JARID2: variants seen among roughly 807,000 people sequenced by gnomAD.
JARID2 encodes the protein jumonji and AT-rich interaction domain containing 2.
In JARID2, 21 loss-of-function variants were observed where a neutral mutation model predicts 125.6. That is an observed-to-expected ratio of 0.17 (90% confidence interval 0.12 to 0.24). The LOEUF (loss-of-function observed/expected upper bound fraction) is 0.24, where lower values mean the gene tolerates loss of function less well. Among genes scored for constraint, JARID2 ranks in the 10% least tolerant of loss-of-function variants. The probability of loss-of-function intolerance (pLI) is 1.00; values close to 1 mark genes in which losing one functional copy is unlikely to be tolerated. For synonymous variants in JARID2, 736 were observed against 661.6 expected, an observed-to-expected ratio of 1.11 and a Z score of -1.73; for missense variants, 1,303 against 1,639.6, an observed-to-expected ratio of 0.79 and a Z score of 3.55.
At chr6:15,445,135 C>A (rs920030434) in intron 3 of JARID2, among the ~76,000 whole-genome samples, 1 of 152,162 alleles carries the variant, frequency 6.6e-6, no homozygotes, top group Non-Finnish European at 1.5e-5. Flanking sequence ...TGTTGATGAC[C>A]CCAGAGGAAA....
intron 1 of JARID2, among the ~76,000 whole-genome samples, chr6:15,342,574 C>T (rs781459521): frequency 6.6e-6 from 1 of 152,138 alleles, no homozygotes; most frequent in Non-Finnish European, 1.5e-5. Context: ...GAGCTTAGTG[C>T]ACCTTCATAA....
chr6:15,517,529 C>G (rs937798834), intron 17 of JARID2, among the ~76,000 whole-genome samples: 2 of 152,240 alleles, frequency 1.3e-5, no homozygotes, highest in Non-Finnish European at 2.9e-5. Flanking sequence ...AGCCGCCCCC[C>G]CGGCTTTCCC....
At position 15,490,274 on chromosome 6, in the gene JARID2, T is replaced by C. The variant is rs1010500733; in HGVS notation, c.906+2732T>C. Among the ~76,000 whole-genome samples the C allele has an allele frequency of 2.0e-5, 3 of 152,072 alleles. No homozygotes were observed. In the East Asian group the frequency reaches 5.8e-4, roughly 29 times the overall value. On this transcript the variant is annotated intron_variant, in intron 6 of 17. Coordinates refer to ENST00000341776, the MANE Select transcript of JARID2 (RefSeq NM_004973.4). ...ATGATATGTGGATTTTTTTTTGTTA[T>C]TGTTCAGCTTAAAAGCATAAATGTG...
At chr6:15,287,866 C>T (rs1358951124) in intron 1 of JARID2, among the ~76,000 whole-genome samples, 1 of 152,216 alleles carries the variant, frequency 6.6e-6, no homozygotes, top group East Asian at 1.9e-4. Context: ...ATAATACCCA[C>T]TTCCCCATTT....
intron 3 of JARID2, among the ~76,000 whole-genome samples, chr6:15,423,786 C>A (rs1332462990): frequency 6.6e-6 from 1 of 152,154 alleles, no homozygotes; most frequent in Non-Finnish European, 1.5e-5. Flanking sequence ...CCTCTGCTTC[C>A]CTTGGGGCCG....
intron 4 of JARID2, among the ~76,000 whole-genome samples, chr6:15,467,663 A>T (rs1768806435): frequency 6.6e-6 from 1 of 152,032 alleles, no homozygotes; most frequent in South Asian, 2.1e-4. Flanking sequence ...GCAACATAGC[A>T]AGACTCCATC....
intron 1 of JARID2, among the ~76,000 whole-genome samples, chr6:15,280,485 T>G (rs899940704): frequency 2.0e-5 from 3 of 152,206 alleles, no homozygotes; most frequent in Non-Finnish European, 2.9e-5. Flanking sequence ...GATCCAGCCT[T>G]TTACATTCTT....
At chr6:15,427,851 A>G (rs2127595727) in intron 3 of JARID2, among the ~76,000 whole-genome samples, 2 of 150,686 alleles carry the variant, frequency 1.3e-5, no homozygotes, top group South Asian at 4.2e-4. Context: ...TGTGGTTCAC[A>G]TGTGAGTGCT....
At chr6:15,421,170 T>TGG (rs949511188) in intron 3 of JARID2, among the ~76,000 whole-genome samples, 3 of 152,282 alleles carry the variant, frequency 2.0e-5, no homozygotes, top group Non-Finnish European at 2.9e-5. Flanking sequence ...GGCAGTGAGC[T>TGG]GGAGGGATCA....
At chr6:15,395,401 G>T (rs1175396915) in intron 2 of JARID2, among the ~76,000 whole-genome samples, 1 of 151,822 alleles carries the variant, frequency 6.6e-6, no homozygotes, top group Non-Finnish European at 1.5e-5. Context: ...GAGTAGTTGG[G>T]ACTACAGGCG....
At chr6:15,306,856 T>A (rs796445287) in intron 1 of JARID2, among the ~76,000 whole-genome samples, 4 of 149,612 alleles carry the variant, frequency 2.7e-5, no homozygotes, top group African/African-American at 7.3e-5. Flanking sequence ...CCTTACCCAT[T>A]GTACTTTGAA....
chr6:15,415,105 A>G (rs1053017665), intron 3 of JARID2, among the ~76,000 whole-genome samples: 12 of 152,228 alleles, frequency 7.9e-5, no homozygotes, highest in African/African-American at 2.9e-4. Flanking sequence ...GACACAGCAC[A>G]TGTTTCAGAG....
chr6:15,423,656 G>C lies in JARID2; in HGVS notation c.323+13291G>C, dbSNP rs145161843. 2.0e-5 allele frequency among the ~76,000 whole-genome samples: 3 copies of C among 152,290 alleles called. No individual in the cohort carries two copies. The East Asian group carries it at 5.8e-4, about 29-fold the overall frequency. On this transcript the variant is annotated intron_variant, in intron 3 of 17. Coordinates refer to ENST00000341776, the MANE Select transcript of JARID2 (RefSeq NM_004973.4). ...TAGATCAGGATAATTAAGTCTGAGA[G>C]GTACCTCTGTATGCTTGACCTCACC...
chr6:15,295,863 A>G (rs1408884228), intron 1 of JARID2, among the ~76,000 whole-genome samples: 5 of 152,026 alleles, frequency 3.3e-5, no homozygotes, highest in African/African-American at 1.2e-4. Flanking sequence ...GGGCATCACC[A>G]TATTGGCCAG....
At chr6:15,411,260 A>G (rs1451399348) in intron 3 of JARID2, among the ~76,000 whole-genome samples, 1 of 152,242 alleles carries the variant, frequency 6.6e-6, no homozygotes, top group East Asian at 1.9e-4. Context: ...AGCAATCTAC[A>G]TGTATCTATC....
intron 3 of JARID2, among the ~76,000 whole-genome samples, chr6:15,432,944 G>A (rs573015698): frequency 1.3e-5 from 2 of 152,310 alleles, no homozygotes; most frequent in South Asian, 2.1e-4. Context: ...ATCATCTGGA[G>A]GACTGGTTAA....
chr6:15,513,534 C>G (rs1219306895), intron 16 of JARID2, 112 bp downstream of exon 16: 1 of 1,071,188 alleles, frequency 9.3e-7, no homozygotes, highest in East Asian at 2.6e-5. Flanking sequence ...CTGCTGTGCT[C>G]CCATCTCTGG....
At chr6:15,281,367 G>C (rs1760742639) in intron 1 of JARID2, among the ~76,000 whole-genome samples, 1 of 152,224 alleles carries the variant, frequency 6.6e-6, no homozygotes, top group African/African-American at 2.4e-5. Flanking sequence ...GCAAAAGAAC[G>C]TGAATACATT....
Position 15,468,659 on chromosome 6 carries a change from C to T in JARID2, c.611C>T (p.Ser204Phe), listed in dbSNP as rs750188402. The T allele has an allele frequency of 6.2e-7, 1 of 1,614,094 alleles. No individual in the cohort carries two copies. Among genetic ancestry groups the T allele is most frequent in the South Asian group, 1.1e-5 (1 of 91,080 alleles). ...DVKTATNNAS[S>F]SCQSTPRKGK... ...AAAACAGCCACCAACAATGCTTCAT[C>T]TTCATGCCAGTCGACCCCCAGGAAA... Residue 204 changes from serine to phenylalanine, a missense_variant, in exon 5 of 18, where the codon TCT (serine) becomes TTT (phenylalanine). By Grantham distance (155) the Ser-to-Phe change is radical (BLOSUM62 -2). Around this residue, in one of 11 missense-constraint regions of JARID2, gnomAD observed 651 missense variants for 581.6 expected, o/e 1.12. Coordinates refer to ENST00000341776, the MANE Select transcript of JARID2 (RefSeq NM_004973.4).
Sources: allele counts gnomAD v4.1 joint callset (sites outside exome capture counted in the v4.1 genomes callset), GRCh38; gene constraint gnomAD v4.1.1; regional missense constraint gnomAD v4.1.1; transcripts MANE v1.5; gene names NCBI Gene and HGNC (gene_info 2026-07-23, HGNC 2026-07-21).